The following RANBP2 variants were observed in gnomAD, a reference collection of about 807,000 sequenced individuals.
RANBP2 encodes the protein RAN binding protein 2, also known as E3 SUMO-protein ligase RanBP2.
In RANBP2, 57 loss-of-function variants were observed where a neutral mutation model predicts 303.6. That is an observed-to-expected ratio of 0.19 (90% CI 0.15 to 0.23). The LOEUF (loss-of-function observed/expected upper bound fraction) is 0.23, where lower values mean the gene tolerates loss of function less well. Among genes scored for constraint, RANBP2 ranks in the 10% least tolerant of loss-of-function variants. RANBP2 has a pLI of 1.00. For synonymous variants in RANBP2, 1,167 were observed against 1,301.5 expected (o/e 0.90, Z 2.23); for missense variants, 3,138 against 3,780.8 (o/e 0.83, Z 4.46).
the RANBP2 span, among the ~76,000 whole-genome samples, chr2:109,467,322 C>T: frequency 2.0e-5 from 3 of 152,246 alleles, no homozygotes; most frequent in African/African-American, 7.2e-5. Flanking sequence ...AAACCAGCTG[C>T]TGATACACAC....
chr2:109,630,205 T>C, the RANBP2 span, among the ~76,000 whole-genome samples: 1 of 152,200 alleles, frequency 6.6e-6, no homozygotes, highest in African/African-American at 2.4e-5. Context: ...TATTTATGTA[T>C]ATTATGATGT....
the RANBP2 span, among the ~76,000 whole-genome samples, chr2:108,822,119 C>T: frequency 9.2e-5 from 14 of 152,068 alleles, no homozygotes; most frequent in African/African-American, 3.4e-4. Flanking sequence ...TGGAAAAAGA[C>T]AATCCTTGTC....
At chr2:109,728,569 C>T in the RANBP2 span, among the ~76,000 whole-genome samples, 1 of 151,498 alleles carries the variant, frequency 6.6e-6, no homozygotes, top group East Asian at 1.9e-4. Context: ...GATTCTCCTG[C>T]CTTAGCCTCC....
the RANBP2 span, among the ~76,000 whole-genome samples, chr2:109,369,076 G>A: frequency 1.3e-5 from 2 of 152,154 alleles, 1 homozygote; most frequent in Admixed American, 1.3e-4. Flanking sequence ...CGGGCATGGT[G>A]GCTCACGCCT....
At chr2:109,518,374 G>A in the RANBP2 span, among the ~76,000 whole-genome samples, 1 of 152,180 alleles carries the variant, frequency 6.6e-6, no homozygotes, top group Non-Finnish European at 1.5e-5. Context: ...CTCTCATCAT[G>A]GTCATTTTAC....
At chr2:108,939,336 G>A in the RANBP2 span, among the ~76,000 whole-genome samples, 3 of 152,018 alleles carry the variant, frequency 2.0e-5, no homozygotes, top group South Asian at 2.1e-4. Flanking sequence ...ACAGGCGTGC[G>A]CCACCACACT....
chr2:109,585,778 C>T, the RANBP2 span: 17 of 1,613,844 alleles, frequency 1.1e-5, no homozygotes, highest in Non-Finnish European at 1.4e-5. Context: ...ACCAGCTGAT[C>T]AGGCAAACTC....
At chr2:109,577,046 G>A in the RANBP2 span, among the ~76,000 whole-genome samples, 1 of 151,762 alleles carries the variant, frequency 6.6e-6, no homozygotes, top group Non-Finnish European at 1.5e-5. Flanking sequence ...TAGCAAAACT[G>A]GATAACAATA....
At chr2:109,686,565 G>A in the RANBP2 span, among the ~76,000 whole-genome samples, 1 of 152,082 alleles carries the variant, frequency 6.6e-6, no homozygotes, top group East Asian at 1.9e-4. Flanking sequence ...TGCCCGCCTC[G>A]GCCTCCCAAC....
the RANBP2 span, among the ~76,000 whole-genome samples, chr2:109,388,558 C>G: frequency 6.6e-6 from 1 of 152,232 alleles, no homozygotes. Flanking sequence ...GTGAGAAGTG[C>G]TGAGCAGTGT....
the RANBP2 span, among the ~76,000 whole-genome samples, chr2:109,465,345 G>A: frequency 6.6e-6 from 1 of 152,202 alleles, no homozygotes; most frequent in Non-Finnish European, 1.5e-5. Flanking sequence ...GATTTTAGGA[G>A]TATGTAAGAG....
the RANBP2 span, among the ~76,000 whole-genome samples, chr2:109,090,308 CCT>C: frequency 0.083 from 11,058 of 132,704 alleles, 1,151 homozygotes; most frequent in East Asian, 0.48. Context: ...GGACACCTCG[CCT>C]CACACACACA....
the RANBP2 span, among the ~76,000 whole-genome samples, chr2:109,400,614 C>T: frequency 1.3e-5 from 2 of 151,958 alleles, no homozygotes; most frequent in Non-Finnish European, 2.9e-5. Flanking sequence ...TGCGTCCCTT[C>T]CACATACACA....
the RANBP2 span, among the ~76,000 whole-genome samples, chr2:108,842,101 C>G: frequency 1.3e-5 from 2 of 152,100 alleles, no homozygotes; most frequent in Admixed American, 1.3e-4. Flanking sequence ...GATCATAGAT[C>G]ACTGCAGCCT....
chr2:109,199,587 T>TTAATC, the RANBP2 span, among the ~76,000 whole-genome samples: 3 of 972 alleles, frequency 3.1e-3, no homozygotes, highest in Non-Finnish European at 6.8e-3. Flanking sequence ...TGGAATGGAA[T>TTAATC]GGAATGGAAT....
the RANBP2 span, among the ~76,000 whole-genome samples, chr2:108,939,874 G>A: frequency 6.6e-6 from 1 of 152,134 alleles, no homozygotes; most frequent in Non-Finnish European, 1.5e-5. Flanking sequence ...GTTGGATCTG[G>A]ACTCCACTAG....
the RANBP2 span, among the ~76,000 whole-genome samples, chr2:109,123,311 TTTC>T: frequency 2.1e-5 from 3 of 141,292 alleles, no homozygotes; most frequent in Admixed American, 7.2e-5. Flanking sequence ...CACTGTGGCT[TTTC>T]TTTCTTTCCT....
chr2:109,181,842 CT>C, the RANBP2 span, among the ~76,000 whole-genome samples: 2 of 152,030 alleles, frequency 1.3e-5, no homozygotes, highest in East Asian at 1.9e-4. Context: ...TGACCTACAC[CT>C]TTTTTTTCCA....
chr2:109,616,741 GTAGTA>G, the RANBP2 span: 3 of 167,048 alleles, frequency 1.8e-5, no homozygotes, highest in Non-Finnish European at 4.4e-5. Context: ...ATTCACTTCT[GTAGTA>G]TGGTTTCCAC....
Sources: allele counts gnomAD v4.1 joint callset (sites outside exome capture counted in the v4.1 genomes callset), GRCh38; gene constraint gnomAD v4.1.1; transcripts MANE v1.5; gene names NCBI Gene and HGNC (gene_info 2026-07-23, HGNC 2026-07-21).